The following TFB1M variants were observed in gnomAD, a reference collection of about 807,000 sequenced individuals.
The protein encoded by TFB1M is transcription factor B1, mitochondrial, also known as dimethyladenosine transferase 1, mitochondrial.
A neutral mutation model predicts 31.1 loss-of-function variants in TFB1M; 27 were observed. That is an observed-to-expected ratio of 0.87 (90% CI 0.64 to 1.20). The LOEUF (loss-of-function observed/expected upper bound fraction) is 1.20. Ranked by LOEUF, TFB1M falls within the 50% of genes most tolerant of loss-of-function variation. TFB1M has a pLI of 0.00. For missense variants in TFB1M, 394 were observed against 418.7 expected, an observed-to-expected ratio of 0.94 and a Z score of 0.51; for synonymous variants, 166 against 151.8, an observed-to-expected ratio of 1.09 and a Z score of -0.69.
At chr6:155,278,630 G>A (rs944689725) in intron 5 of TFB1M, among the ~76,000 whole-genome samples, 2 of 152,202 alleles carry the variant, frequency 1.3e-5, no homozygotes, top group Admixed American at 6.5e-5. Context: ...GACACTGAGG[G>A]CGACAGAGGT....
At chr6:155,231,965 C>A in the TFB1M span, among the ~76,000 whole-genome samples, 1 of 152,100 alleles carries the variant, frequency 6.6e-6, no homozygotes, top group Non-Finnish European at 1.5e-5. Context: ...CCTGTAATCC[C>A]AGCTACGTGG....
At chr6:155,288,920 G>A (rs1281914831) in intron 4 of TFB1M, among the ~76,000 whole-genome samples, 2 of 152,146 alleles carry the variant, frequency 1.3e-5, no homozygotes, top group African/African-American at 2.4e-5. Context: ...TCCATTACAA[G>A]ATAGATGATT....
chr6:155,256,746 G>A lies in TFB1M; in HGVS notation c.*1090C>T. 6.2e-7 allele frequency: 1 copy of A among 1,614,242 alleles called. No homozygotes were observed. Among genetic ancestry groups the A allele is most frequent in the Non-Finnish European group, 8.5e-7 (1 of 1,180,042 alleles). ...GCGATGAAGATGATGACCACCGTCA[G>A]ACTGTGAAGCAGGGCAGCCCTACTA... On this transcript the variant is annotated 3_prime_UTR_variant, in exon 7 of 7. Transcript: ENST00000367166.
rs1237940905 is a variant in TFB1M at position 155,257,484 on chromosome 6, C to CT, written c.*351dup. 4 of 333,914 alleles carry CT rather than the reference C, an allele frequency of 1.2e-5. No homozygotes were observed. The highest frequency in any genetic ancestry group is 4.7e-5 in the Admixed American group (1 of 21,208). The allele number at this position is 333,914 out of a possible 1,614,324, so 20.7% of individuals were successfully genotyped here. On this transcript the variant is annotated 3_prime_UTR_variant, in exon 7 of 7. Transcript: ENST00000367166. ...TTTTTTAAAATCCTCTGGGCATTTT[C>CT]TTTCAGCTGTTTGTTAGTTTTTGCT...
intron 3 of TFB1M, among the ~76,000 whole-genome samples, chr6:155,298,077 G>T (rs1025421068): frequency 7.2e-5 from 11 of 152,344 alleles, no homozygotes; most frequent in African/African-American, 2.6e-4. Flanking sequence ...AGACTGCCTT[G>T]GTTGGTCATT....
chr6:155,313,752 C>A (rs1429832307), intron 1 of TFB1M, among the ~76,000 whole-genome samples: 1 of 152,204 alleles, frequency 6.6e-6, no homozygotes, highest in African/African-American at 2.4e-5. Flanking sequence ...CTACCCCCGG[C>A]ACTAGCACAA....
At chr6:155,258,192 G>T in intron 6 of TFB1M, 110 bp from the exon 7 acceptor site, 1 of 1,315,244 alleles carries the variant, frequency 7.6e-7, no homozygotes, top group East Asian at 2.4e-5. Flanking sequence ...GCTGGCTACT[G>T]ACAGCTGGAG....
chr6:155,254,666 C>CTT, downstream of TFB1M: 1 of 1,471,842 alleles, frequency 6.8e-7, no homozygotes, highest in Non-Finnish European at 9.3e-7. Context: ...TGACTTTTCA[C>CTT]TTTGTAAGTC....
chr6:155,264,569 T>C (rs1050722511), intron 5 of TFB1M, among the ~76,000 whole-genome samples: 1 of 152,238 alleles, frequency 6.6e-6, no homozygotes, highest in African/African-American at 2.4e-5. Context: ...TTTGTGTTAT[T>C]GTAACAATAT....
chr6:155,293,191 G>A (rs1777013720), intron 4 of TFB1M, among the ~76,000 whole-genome samples: 1 of 133,808 alleles, frequency 7.5e-6, no homozygotes. Context: ...AAATGCCAAG[G>A]AAGGCATGAA....
intron 5 of TFB1M, among the ~76,000 whole-genome samples, chr6:155,263,745 A>G (rs1170086207): frequency 1.3e-5 from 2 of 151,090 alleles, no homozygotes; most frequent in African/African-American, 5.0e-5. Flanking sequence ...TGATTATCAT[A>G]TGCCCAAAAG....
the TFB1M span, among the ~76,000 whole-genome samples, chr6:155,239,107 T>C: frequency 6.6e-6 from 1 of 152,200 alleles, no homozygotes; most frequent in African/African-American, 2.4e-5. Context: ...CTTTCTGCAA[T>C]ATCCAAGGAA....
intron 5 of TFB1M, among the ~76,000 whole-genome samples, chr6:155,274,866 T>A (rs1785094054): frequency 6.6e-6 from 1 of 152,226 alleles, no homozygotes; most frequent in Non-Finnish European, 1.5e-5. Flanking sequence ...AAACCATCTT[T>A]AAAAGGTGGC....
intron 5 of TFB1M, 138 bp from the exon 6 acceptor site, chr6:155,260,538 T>C (rs1034968823): frequency 2.7e-6 from 3 of 1,119,498 alleles, no homozygotes; most frequent in Non-Finnish European, 3.9e-6. Flanking sequence ...CGTACTTCGG[T>C]TTCATCTCTA....
chr6:155,295,653 C>T (rs116972800), intron 4 of TFB1M, among the ~76,000 whole-genome samples: 3,343 of 152,226 alleles, frequency 0.022, 62 homozygotes, highest in Non-Finnish European at 0.029. Context: ...ATTATACAGT[C>T]ATCCGTCAGT....
In TFB1M at chr6:155,257,809, G is replaced by A. The variant is rs374989555; in HGVS notation, c.*27C>T. ...CTCCACGTAGTGCAAATCGACATCT[G>A]GTAGGCTGCTCGCCCCCAGGCAGCA... On this transcript the variant is annotated 3_prime_UTR_variant, in exon 7 of 7. Coordinates refer to ENST00000367166, the MANE Select transcript of TFB1M (RefSeq NM_016020.4). 39 of 1,613,562 alleles carry A rather than the reference G, an allele frequency of 2.4e-5. No homozygotes were observed. Among genetic ancestry groups the A allele is most frequent in the East Asian group, 1.1e-4 (5 of 44,900 alleles).
At chr6:155,310,882 G>A (rs139565646) in intron 2 of TFB1M, 20 of 315,310 alleles carry the variant, frequency 6.3e-5, no homozygotes, top group South Asian at 2.6e-4. Context: ...AATGGGCCAC[G>A]ACATGCATAG....
intron 4 of TFB1M, among the ~76,000 whole-genome samples, chr6:155,287,581 T>C (rs1776723658): frequency 6.7e-6 from 1 of 148,332 alleles, no homozygotes; most frequent in Non-Finnish European, 1.5e-5. Context: ...TGTGTATGTG[T>C]GTGTGGTGTA....
chr6:155,272,849 T>C (rs1307417879), intron 5 of TFB1M, among the ~76,000 whole-genome samples: 4 of 152,188 alleles, frequency 2.6e-5, no homozygotes, highest in Non-Finnish European at 5.9e-5. Flanking sequence ...TTAATCATGA[T>C]GAACAAACTG....
Sources: allele counts gnomAD v4.1 joint callset (sites outside exome capture counted in the v4.1 genomes callset), GRCh38; gene constraint gnomAD v4.1.1; transcripts MANE v1.5; gene names NCBI Gene and HGNC (gene_info 2026-07-23, HGNC 2026-07-21).